OBP2B: variants seen among roughly 807,000 people sequenced by gnomAD.
The protein encoded by OBP2B is odorant binding protein 2B, also known as odorant-binding protein 2b.
In OBP2B, 10 loss-of-function variants were observed where a neutral mutation model predicts 21.7. That is an observed-to-expected ratio of 0.46 (90% CI 0.28 to 0.78). The LOEUF (loss-of-function observed/expected upper bound fraction) is 0.78. Among genes scored for constraint, OBP2B ranks in the 30% least tolerant of loss-of-function variants. The pLI is 0.11. For missense variants in OBP2B, 153 were observed against 217.7 expected (o/e 0.70, Z 1.87); for synonymous variants, 73 against 91.5 (o/e 0.80, Z 1.16).
the OBP2B span, among the ~76,000 whole-genome samples, chr9:133,222,228 T>C: frequency 2.6e-5 from 4 of 152,214 alleles, no homozygotes; most frequent in South Asian, 2.1e-4. Context: ...CAAGCTCTCA[T>C]GGCATCCAAC....
chr9:133,223,163 C>CGG, the OBP2B span, among the ~76,000 whole-genome samples: 2 of 152,224 alleles, frequency 1.3e-5, no homozygotes, highest in Non-Finnish European at 2.9e-5. The surrounding 1 kb of genome is among the most constrained non-coding windows in gnomAD (Gnocchi z 4.4). Context: ...GTTGAGGCCT[C>CGG]ATTCACAGGG....
At chr9:133,217,626 C>T in the OBP2B span, among the ~76,000 whole-genome samples, 123,567 of 152,204 alleles carry the variant, frequency 0.81, 50,851 homozygotes, top group African/African-American at 0.91. Context: ...CTGTGGGTTC[C>T]CAGTGACTCT....
At chr9:133,206,713 A>G (rs2119389866) in intron 4 of OBP2B, among the ~76,000 whole-genome samples, 2 of 150,812 alleles carry the variant, frequency 1.3e-5, no homozygotes, top group South Asian at 4.2e-4. Flanking sequence ...ATGAGAGCTC[A>G]GGGGTGGGAC....
At chr9:133,211,127 G>T (rs1397551534), upstream of OBP2B, among the ~76,000 whole-genome samples, 1 of 152,168 alleles carries the variant, frequency 6.6e-6, no homozygotes, top group East Asian at 1.9e-4. Flanking sequence ...CGACACCTGG[G>T]CATAAGAAGG....
upstream of OBP2B, among the ~76,000 whole-genome samples, chr9:133,210,868 T>C (rs1289917037): frequency 2.6e-5 from 4 of 152,156 alleles, no homozygotes; most frequent in East Asian, 5.8e-4. Context: ...GGGCTGGAGG[T>C]TGGGGGTCAA....
the OBP2B span, among the ~76,000 whole-genome samples, chr9:133,217,964 T>C: frequency 6.6e-6 from 1 of 152,250 alleles, no homozygotes; most frequent in Non-Finnish European, 1.5e-5. Flanking sequence ...TTCAATCTAT[T>C]GTCTCTGGAT....
Position 133,205,411 on chromosome 9 carries a change from G to A in OBP2B, c.*2C>T. The A allele has an allele frequency of 7.3e-7, 1 of 1,361,588 alleles. No homozygotes were observed. 84.3% of individuals were successfully genotyped at this position (1,361,588 alleles called of 1,614,324 possible). On this transcript the variant is annotated splice_region_variant and 3_prime_UTR_variant, in exon 7 of 7. Coordinates refer to ENST00000372034, the MANE Select transcript of OBP2B (RefSeq NM_014581.4). ...CTCTGGAGGTGCAGACCCGGGGGCT[G>A]CTGTGCTGGGAAGAGGAGCAGAGGT... is the stretch of plus-strand genomic sequence containing the variant.
chr9:133,222,956 C>G, the OBP2B span, among the ~76,000 whole-genome samples: 4 of 152,132 alleles, frequency 2.6e-5, no homozygotes, highest in East Asian at 5.8e-4. Flanking sequence ...CAGAACACCC[C>G]TTCTCCCCTG....
chr9:133,207,892 C>T, intron 3 of OBP2B: 1 of 1,529,926 alleles, frequency 6.5e-7, no homozygotes, highest in Non-Finnish European at 8.7e-7. Context: ...GTGTCAATGG[C>T]TAGGGCCTCC....
the OBP2B span, among the ~76,000 whole-genome samples, chr9:133,214,629 T>C: frequency 7.9e-5 from 12 of 152,340 alleles, no homozygotes; most frequent in African/African-American, 2.9e-4. Context: ...CAGCTGGGTC[T>C]CTCTGCCTGG....
rs782412324 is a variant in OBP2B at position 133,206,376 on chromosome 9, A to C, written c.429T>G (p.Phe143Leu). The stretch of plus-strand genomic sequence containing the variant: ...GTCCCTTGCGCTGCACCAATTTCTT[A>C]AATTCTTCCAGGGCCTCCCGGTTGG... ...SDTNREALEE[F>L]KKLVQRKGLS... The change falls in exon 5 of 7, where the codon TTT (phenylalanine) becomes TTG (leucine). Residue 143 changes from phenylalanine (F) to leucine (L), a missense_variant. Physicochemically the swap from Phe to Leu is conservative, Grantham distance 22. Transcript: ENST00000372034. 6.2e-7 allele frequency: 1 copy of C among 1,613,902 alleles called. No individual in the cohort carries two copies. The highest frequency in any genetic ancestry group is 8.5e-7 in the Non-Finnish European group (1 of 1,179,958).
At chr9:133,207,615 C>T (rs1365774004) in intron 3 of OBP2B, among the ~76,000 whole-genome samples, 6 of 152,132 alleles carry the variant, frequency 3.9e-5, no homozygotes, top group Admixed American at 3.9e-4. Context: ...TGTCCCTAAC[C>T]CTCATCTTCC....
upstream of OBP2B, among the ~76,000 whole-genome samples, chr9:133,213,067 A>C (rs1178100278): frequency 1.3e-5 from 2 of 152,064 alleles, no homozygotes; most frequent in Non-Finnish European, 2.9e-5. Context: ...TCTACTAAAA[A>C]TACAAAAATA....
chr9:133,221,147 G>T, the OBP2B span, among the ~76,000 whole-genome samples: 11 of 152,196 alleles, frequency 7.2e-5, no homozygotes, highest in Non-Finnish European at 8.8e-5. Context: ...ACAAATGAAA[G>T]CGTTCTAAGA....
rs782532852 is a variant in OBP2B at position 133,207,215 on chromosome 9, A to G, written c.388+11T>C. On this transcript the variant is annotated intron_variant, in intron 4 of 6. Transcript: ENST00000372034. ...TGGGGCAGGACACGCAGACCCCAGC[A>G]AGCCCCTCACCCACAAGCTTTCCCA... 6 of 1,592,320 alleles carry G rather than the reference A, an allele frequency of 3.8e-6. No homozygotes were observed. The South Asian group carries it at 6.6e-5, about 18-fold the overall frequency.
intron 1 of OBP2B, 130 bp downstream of exon 1, chr9:133,208,998 C>T (rs1464282713): frequency 3.3e-6 from 3 of 919,028 alleles, no homozygotes; most frequent in East Asian, 2.6e-5. Flanking sequence ...CCCTCCACCA[C>T]CACCCCAGGC....
chr9:133,219,609 T>C, the OBP2B span, among the ~76,000 whole-genome samples: 2 of 152,286 alleles, frequency 1.3e-5, no homozygotes, highest in East Asian at 3.9e-4. Flanking sequence ...CAAAGCCAGA[T>C]AATAACAAGG....
chr9:133,213,818 A>G (rs1833944026), upstream of OBP2B, among the ~76,000 whole-genome samples: 1 of 152,254 alleles, frequency 6.6e-6, no homozygotes, highest in African/African-American at 2.4e-5. Flanking sequence ...CTTCATGTCC[A>G]TATGGTTTCA....
At chr9:133,209,724 C>T (rs577001839), upstream of OBP2B, among the ~76,000 whole-genome samples, 2 of 152,272 alleles carry the variant, frequency 1.3e-5, no homozygotes, top group Admixed American at 1.3e-4. The surrounding 1 kb of genome is among the most constrained non-coding windows in gnomAD (Gnocchi z 6.0). Context: ...AGAGCCCAAG[C>T]TTCCGCCCAC....
Sources: allele counts gnomAD v4.1 joint callset (sites outside exome capture counted in the v4.1 genomes callset), GRCh38; gene constraint gnomAD v4.1.1; non-coding constraint Gnocchi (gnomAD v3.1); transcripts MANE v1.5; gene names NCBI Gene and HGNC (gene_info 2026-07-23, HGNC 2026-07-21).